KIF26B: variants seen among roughly 807,000 people sequenced by gnomAD.
KIF26B encodes kinesin family member 26B, also known as kinesin-like protein KIF26B.
Under a neutral mutation model 151.2 loss-of-function variants are expected in KIF26B, and 63 were observed. The observed-to-expected ratio is 0.42, with a 90% CI of 0.34 to 0.51. KIF26B has a LOEUF of 0.51. KIF26B is among the 20% of genes least tolerant of loss of function. KIF26B has a pLI of 0.07. For missense variants in KIF26B, 2,813 were observed against 2,913.6 expected (o/e 0.97, Z 0.79); for synonymous variants, 1,357 against 1,262.1 (o/e 1.08, Z -1.59).
chr1:245,187,160 A>G (rs541724577), intron 2 of KIF26B, among the ~76,000 whole-genome samples: 1 of 152,298 alleles, frequency 6.6e-6, no homozygotes, highest in East Asian at 1.9e-4. Flanking sequence ...CAGCCAAGCC[A>G]GGTACTTTTC....
intron 5 of KIF26B, among the ~76,000 whole-genome samples, chr1:245,554,393 C>T (rs1661969205): frequency 6.6e-6 from 1 of 152,194 alleles, no homozygotes; most frequent in Non-Finnish European, 1.5e-5. Context: ...CTATCATTTA[C>T]CCATCACCTC....
chr1:245,536,730 G>A (rs1340909402), intron 4 of KIF26B, among the ~76,000 whole-genome samples: 1 of 152,162 alleles, frequency 6.6e-6, no homozygotes, highest in Non-Finnish European at 1.5e-5. Context: ...TTGAAGGATG[G>A]CATCTGGAAT....
chr1:245,481,710 GT>G (rs1660170616), intron 4 of KIF26B, among the ~76,000 whole-genome samples: 1 of 151,262 alleles, frequency 6.6e-6, no homozygotes, highest in Non-Finnish European at 1.5e-5. Context: ...GTGGCCAAGC[GT>G]TGATTATTAT....
chr1:245,606,800 C>T lies in KIF26B; in HGVS notation c.1558-851C>T, dbSNP rs908660347. 3.9e-5 allele frequency among the ~76,000 whole-genome samples: 6 copies of T among 152,126 alleles called. No individual in the cohort carries two copies. Among genetic ancestry groups the T allele is most frequent in the African/African-American group, 7.2e-5 (3 of 41,430 alleles). ...AGCATGGGACGGGCGCAGTGGCTCA[C>T]GCCTGTAATCCCAGCACTTTGGGAG... On this transcript the variant is annotated intron_variant, in intron 6 of 14. Transcript: ENST00000407071. The surrounding 1 kb of genome is among the most constrained non-coding windows in gnomAD (Gnocchi z 4.6).
At chr1:245,304,079 A>T (rs1262682183) in intron 2 of KIF26B, among the ~76,000 whole-genome samples, 1 of 152,262 alleles carries the variant, frequency 6.6e-6, no homozygotes, top group African/African-American at 2.4e-5. Flanking sequence ...AGAATAAAGC[A>T]GCATTCCAGT....
At chr1:245,532,371 G>C (rs935287025) in intron 4 of KIF26B, among the ~76,000 whole-genome samples, 1 of 150,400 alleles carries the variant, frequency 6.6e-6, no homozygotes, top group Admixed American at 6.6e-5. Flanking sequence ...TCAGCCTCCC[G>C]AGTAGCTGGG....
At chr1:245,648,597 T>C (rs572349448) in intron 10 of KIF26B, among the ~76,000 whole-genome samples, 31 of 151,086 alleles carry the variant, frequency 2.1e-4, no homozygotes, top group Non-Finnish European at 3.4e-4. Flanking sequence ...ATTGCGCTAC[T>C]GCACCAGCCT....
intron 2 of KIF26B, among the ~76,000 whole-genome samples, chr1:245,264,761 C>T (rs370751750): frequency 6.7e-5 from 10 of 149,494 alleles, no homozygotes; most frequent in African/African-American, 1.7e-4. Context: ...GGTGTGGTGG[C>T]GGGCTCCTGT....
At position 245,516,667 on chromosome 1, in the gene KIF26B, C is replaced by A. The variant is rs1443454435; in HGVS notation, c.1167-24100C>A. Among the ~76,000 whole-genome samples the A allele has an allele frequency of 6.6e-6, 1 of 152,132 alleles. No homozygotes were observed. Among genetic ancestry groups the A allele is most frequent in the Non-Finnish European group, 1.5e-5 (1 of 68,034 alleles). ...GGGTGAAGTAATGAGCCCGCAAGGC[C>A]TGTCTGTGCCTATTGGCTGCTCTAA... On this transcript the variant is annotated intron_variant, in intron 4 of 14. Coordinates refer to ENST00000407071, the MANE Select transcript of KIF26B (RefSeq NM_018012.4). This position sits in a 1 kb window ranked among gnomAD's most constrained non-coding sequence, Gnocchi z 4.2.
rs116242161 is a variant in KIF26B, at chr1:245,640,126, T to G, written c.2099-5995T>G. 2.6e-3 allele frequency among the ~76,000 whole-genome samples: 123 copies of G among 47,398 alleles called. 1 individual carries two copies. Among genetic ancestry groups the G allele is most frequent in the East Asian group, 6.2e-3 (5 of 806 alleles). 31.1% of individuals were successfully genotyped at this position (47,398 alleles called of 152,430 possible). On this transcript the variant is annotated intron_variant, in intron 9 of 14. Transcript: ENST00000407071. ...TGTTTAGATCTACTAATATTTGCTC[T>G]CTCTCTCTCTCTCTCTCTATATATA...
intron 5 of KIF26B, among the ~76,000 whole-genome samples, chr1:245,579,830 A>G (rs934859976): frequency 6.6e-6 from 1 of 151,816 alleles, no homozygotes; most frequent in African/African-American, 2.4e-5. Context: ...CCTGGGCAAC[A>G]AGAGTGAAAC....
At chr1:245,423,809 T>C (rs760938601) in intron 4 of KIF26B, among the ~76,000 whole-genome samples, 5 of 152,166 alleles carry the variant, frequency 3.3e-5, no homozygotes, top group Non-Finnish European at 7.4e-5. Flanking sequence ...TCTGTGATAT[T>C]AACCTTTATT....
At chr1:245,556,193 G>A (rs2103112711) in intron 5 of KIF26B, among the ~76,000 whole-genome samples, 1 of 151,588 alleles carries the variant, frequency 6.6e-6, no homozygotes, top group South Asian at 2.1e-4. Context: ...CCAAATTTTA[G>A]CACATCAATC....
chr1:245,384,864 A>G (rs1003817224), intron 3 of KIF26B, among the ~76,000 whole-genome samples: 4 of 152,184 alleles, frequency 2.6e-5, no homozygotes, highest in African/African-American at 9.7e-5. Flanking sequence ...GTAAGAATAT[A>G]TATTTGGTTT....
chr1:245,671,426 C>G (rs1320167219), intron 10 of KIF26B, among the ~76,000 whole-genome samples: 1 of 152,146 alleles, frequency 6.6e-6, no homozygotes, highest in Non-Finnish European at 1.5e-5. Context: ...GTACCTGGCA[C>G]AGGCAAATTC....
chr1:245,661,434 C>T (rs12082483), intron 10 of KIF26B, among the ~76,000 whole-genome samples: 56 of 151,996 alleles, frequency 3.7e-4, no homozygotes, highest in African/African-American at 1.0e-3. Flanking sequence ...CCACTGTTAG[C>T]GCAGTAACCT....
intron 2 of KIF26B, among the ~76,000 whole-genome samples, chr1:245,182,787 C>T (rs758772680): frequency 2.6e-5 from 4 of 152,172 alleles, no homozygotes; most frequent in Non-Finnish European, 4.4e-5. Flanking sequence ...AGGCACGTGC[C>T]ACCATGCCTG....
chr1:245,518,527 G>C (rs561444511), intron 4 of KIF26B, among the ~76,000 whole-genome samples: 1 of 152,268 alleles, frequency 6.6e-6, no homozygotes, highest in African/African-American at 2.4e-5. Context: ...GTCGTCCCTT[G>C]GAAACTATCT....
At chr1:245,485,385 ATTT>A (rs10672221) in intron 4 of KIF26B, among the ~76,000 whole-genome samples, 2 of 142,660 alleles carry the variant, frequency 1.4e-5, no homozygotes, top group Middle Eastern at 3.6e-3. Context: ...TCCTAGCATC[ATTT>A]TTTTTTTTTT....
Sources: allele counts gnomAD v4.1 joint callset (sites outside exome capture counted in the v4.1 genomes callset), GRCh38; gene constraint gnomAD v4.1.1; non-coding constraint Gnocchi (gnomAD v3.1); transcripts MANE v1.5; gene names NCBI Gene and HGNC (gene_info 2026-07-23, HGNC 2026-07-21).